RAP1A: variants seen among roughly 807,000 people sequenced by gnomAD.
RAP1A encodes ras-related protein Rap-1A.
In RAP1A, 6 loss-of-function variants were observed where a neutral mutation model predicts 26.4. That is an observed-to-expected ratio of 0.23 (90% CI 0.12 to 0.45). RAP1A has a LOEUF of 0.45. Among genes scored for constraint, RAP1A ranks in the 20% least tolerant of loss-of-function variants. RAP1A has a pLI of 0.99. For missense variants in RAP1A, 121 were observed against 217.2 expected (o/e 0.56, Z 2.78); for synonymous variants, 73 against 79.4 (o/e 0.92, Z 0.43).
intron 3 of RAP1A, among the ~76,000 whole-genome samples, chr1:111,695,624 T>C (rs1661803358): frequency 6.6e-6 from 1 of 152,242 alleles, no homozygotes; most frequent in African/African-American, 2.4e-5. Context: ...GACTTGTTCC[T>C]TAATGTGGAC....
chr1:111,668,897 G>T lies in RAP1A; in HGVS notation c.-27-22437G>T, dbSNP rs112334542. Among the ~76,000 whole-genome samples, 368 of 152,020 alleles carry T rather than the reference G, an allele frequency of 2.4e-3. 1 individual carries two copies. The highest frequency in any genetic ancestry group is 3.7e-3 in the Non-Finnish European group (254 of 67,982). On this transcript the variant is annotated intron_variant, in intron 1 of 7. Transcript: ENST00000369709. ...ATACAAAAATTAGCTGGGCATGGTG[G>T]TGTGTGCCTGTAGTCCCAGCTACTT...
In RAP1A at chr1:111,542,221, C is replaced by A. The variant is rs1656858358; in HGVS notation, c.-316C>A. On this transcript the variant is annotated 5_prime_UTR_variant, in exon 1 of 8. Coordinates refer to the RAP1A transcript ENST00000356415. Reference sequence around the variant, plus strand: ...AGACCAGCTTAATGAAACAGACATCCTTCGCGTACTGACGGAAACACTGGC... The same window carrying A: ...AGACCAGCTTAATGAAACAGACATCATTCGCGTACTGACGGAAACACTGGC... The A allele has an allele frequency of 8.7e-5, 52 of 596,476 alleles. 2 individuals carry two copies. The highest frequency in any genetic ancestry group is 6.9e-4 in the South Asian group (50 of 72,480). 36.9% of individuals were successfully genotyped at this position (596,476 alleles called of 1,614,324 possible). A position where few individuals can be genotyped will look rare whatever the true frequency, so the allele number is the denominator to read the frequency against.
chr1:111,591,712 C>CA (rs1658475101), intron 1 of RAP1A, among the ~76,000 whole-genome samples: 1 of 152,182 alleles, frequency 6.6e-6, no homozygotes, highest in Non-Finnish European at 1.5e-5. Flanking sequence ...GTCATGATGT[C>CA]ACCAGAGACC....
chr1:111,542,165 C>T, upstream of RAP1A: 4 of 429,260 alleles, frequency 9.3e-6, no homozygotes, highest in Admixed American at 7.2e-5. Context: ...TGAGTAGATG[C>T]CTTGGATAAT....
chr1:111,565,373 A>G (rs143499397), intron 1 of RAP1A, among the ~76,000 whole-genome samples: 7 of 152,378 alleles, frequency 4.6e-5, no homozygotes, highest in African/African-American at 1.4e-4. Flanking sequence ...TGCTGATGAT[A>G]CAGAGATGAA....
chr1:111,648,299 A>G, intron 1 of RAP1A: 1 of 1,001,778 alleles, frequency 1.0e-6, no homozygotes, highest in South Asian at 1.3e-5. Flanking sequence ...AATTCTCAGA[A>G]CTTTGGTGTC....
intron 4 of RAP1A, among the ~76,000 whole-genome samples, chr1:111,699,884 G>A (rs987703978): frequency 6.6e-6 from 1 of 151,960 alleles, no homozygotes; most frequent in South Asian, 2.1e-4. Context: ...TCAGGTCCAC[G>A]GTCCATCATT....
intron 1 of RAP1A, among the ~76,000 whole-genome samples, chr1:111,597,421 C>T (rs956954776): frequency 2.0e-5 from 3 of 152,130 alleles, no homozygotes; most frequent in Non-Finnish European, 4.4e-5. Context: ...AAATAAAAAG[C>T]ATGAACATTA....
intron 6 of RAP1A, among the ~76,000 whole-genome samples, chr1:111,708,735 C>G (rs938731658): frequency 6.6e-6 from 1 of 152,168 alleles, no homozygotes; most frequent in Non-Finnish European, 1.5e-5. Context: ...TAGTTAAGGT[C>G]TACTCTCAGA....
chr1:111,700,032 T>C (rs1430746893), intron 4 of RAP1A, among the ~76,000 whole-genome samples: 1 of 152,184 alleles, frequency 6.6e-6, no homozygotes, highest in African/African-American at 2.4e-5. Context: ...CTCTGTCTCA[T>C]TGGTTACTCC....
At chr1:111,558,211 T>G (rs1470305916) in intron 1 of RAP1A, among the ~76,000 whole-genome samples, 4 of 152,194 alleles carry the variant, frequency 2.6e-5, no homozygotes, top group African/African-American at 9.7e-5. Context: ...AGGGTCTTAC[T>G]CCACTGCCCA....
intron 1 of RAP1A, among the ~76,000 whole-genome samples, chr1:111,620,195 C>G (rs1220501590): frequency 1.3e-5 from 2 of 152,166 alleles, no homozygotes; most frequent in Non-Finnish European, 2.9e-5. Context: ...TGCGGGAGAC[C>G]GTCGGGAGGG....
chr1:111,648,585 A>G (rs1660156362), intron 1 of RAP1A: 1 of 535,012 alleles, frequency 1.9e-6, no homozygotes, highest in South Asian at 1.7e-5. Context: ...CTCCATCTGC[A>G]GGAAGTAGAG....
intron 1 of RAP1A, chr1:111,563,844 A>G (rs1657843132): frequency 6.2e-7 from 1 of 1,611,388 alleles, no homozygotes; most frequent in African/African-American, 1.3e-5. Context: ...GCTATGACTC[A>G]CTGTGACTCA....
At chr1:111,680,237 A>C (rs148159522) in intron 1 of RAP1A, among the ~76,000 whole-genome samples, 1,848 of 152,312 alleles carry the variant, frequency 0.012, 37 homozygotes, top group African/African-American at 0.042. Context: ...GAGCAGCAGC[A>C]AGATTTATTA....
chr1:111,667,815 A>C (rs1266634294), intron 1 of RAP1A, among the ~76,000 whole-genome samples: 1 of 152,192 alleles, frequency 6.6e-6, no homozygotes, highest in Non-Finnish European at 1.5e-5. Flanking sequence ...AACTGACATA[A>C]GATATGCTCA....
At position 111,626,370 on chromosome 1, in the gene RAP1A, T is replaced by TACACAC. The variant is rs3084315; in HGVS notation, c.-28+6462_-28+6467dup. 2.7e-4 allele frequency among the ~76,000 whole-genome samples: 41 copies of TACACAC among 149,394 alleles called. No individual in the cohort carries two copies. The East Asian group carries it at 2.9e-3, about 11-fold the overall frequency. On this transcript the variant is annotated intron_variant, in intron 1 of 7. Transcript: ENST00000369709. ...AATAGCTTTTCTGCATATGTATACA[T>TACACAC]ACACACACACACACACACACACACA...
At chr1:111,617,533 T>C (rs959721638), upstream of RAP1A, among the ~76,000 whole-genome samples, 1 of 152,032 alleles carries the variant, frequency 6.6e-6, no homozygotes, top group Non-Finnish European at 1.5e-5. Context: ...TCCAGGTTCA[T>C]GCCATTCTCC....
intron 1 of RAP1A, chr1:111,649,095 T>A (rs1204916494): frequency 3.3e-6 from 2 of 602,478 alleles, no homozygotes; most frequent in Non-Finnish European, 3.2e-6. Context: ...TCTAAAGTCA[T>A]CAGTAGCAAG....
Sources: gnomAD v4.1 joint callset for allele counts (sites outside exome capture counted in the v4.1 genomes callset) on GRCh38, gnomAD v4.1.1 for gene constraint, MANE v1.5 for transcripts, NCBI Gene and HGNC (gene_info 2026-07-23, HGNC 2026-07-21) for gene names.